The following ATAD3C variants were observed in gnomAD, a reference collection of about 807,000 sequenced individuals.
The protein encoded by ATAD3C is ATPase family AAA domain containing 3C.
ATAD3C carries 38 observed loss-of-function variants against 46.3 expected under a neutral mutation model. That is an observed-to-expected ratio of 0.82 (90% CI 0.63 to 1.08). The LOEUF (loss-of-function observed/expected upper bound fraction) is 1.08, where lower values mean the gene tolerates loss of function less well. ATAD3C is among the 50% of genes least tolerant of loss of function. The pLI, the probability that ATAD3C is intolerant of heterozygous loss-of-function variation, is 0.00. For synonymous variants in ATAD3C, 220 were observed against 236.4 expected, an observed-to-expected ratio of 0.93 and a Z score of 0.63; for missense variants, 563 against 572.7, an observed-to-expected ratio of 0.98 and a Z score of 0.17.
chr1:1,454,246 C>A (rs935460025), intron 3 of ATAD3C, 99 bp from the exon 4 acceptor site: 2 of 1,480,200 alleles, frequency 1.4e-6, no homozygotes, highest in African/African-American at 2.8e-5. Flanking sequence ...TGTGCTTCTC[C>A]CTCAGGCGGA....
chr1:1,454,289 C>T (rs1016430484), intron 3 of ATAD3C, 56 bp from the exon 4 acceptor site: 27 of 1,555,906 alleles, frequency 1.7e-5, no homozygotes, highest in African/African-American at 2.7e-5. Context: ...GCGTCTCCTG[C>T]TCTAGGAGGG....
chr1:1,460,670 G>C (rs1639041042), intron 9 of ATAD3C, 80 bp from the exon 10 acceptor site: 1 of 1,446,462 alleles, frequency 6.9e-7, no homozygotes, highest in South Asian at 1.5e-5. Context: ...GTCTTCCTGA[G>C]GGGGCTGAGG....
Position 1,452,429 on chromosome 1 carries a change from G to A in ATAD3C, c.217G>A (p.Ala73Thr), listed in dbSNP as rs1164903874. 1.2e-6 allele frequency: 2 copies of A among 1,613,760 alleles called. No homozygotes were observed. The highest frequency in any genetic ancestry group is 2.2e-5 in the East Asian group (1 of 44,888). The change falls in exon 3 of 12, where the codon GCC (alanine) becomes ACC (threonine). Residue 73 changes from alanine to threonine, a missense_variant. This residue lies in a region of ATAD3C where 263 missense variants were observed against 243.1 expected (regional missense o/e 1.08). Transcript: ENST00000378785. ...AFVTDRDKVT[A>T]TVAGLTLLAV... is the part of the protein sequence containing the mutation. ...TGTGACAGACCGGGACAAAGTGACAGCCACGGTAAACATACTCATAAAACA... is the reference window on the plus strand; with the variant it reads ...TGTGACAGACCGGGACAAAGTGACAACCACGGTAAACATACTCATAAAACA...
At position 1,449,826 on chromosome 1, in the gene ATAD3C, A is replaced by G. The variant is rs1225636898; in HGVS notation, c.-858A>G. 1 of 152,026 alleles carries G rather than the reference A, an allele frequency of 6.6e-6. No homozygotes were observed. Among genetic ancestry groups the G allele is most frequent in the Non-Finnish European group, 1.5e-5 (1 of 67,974 alleles). 9.4% of individuals were successfully genotyped at this position (152,026 alleles called of 1,614,324 possible). A position where few individuals can be genotyped will look rare whatever the true frequency, so the allele number is the denominator to read the frequency against. On this transcript the variant is annotated 5_prime_UTR_variant, in exon 1 of 12. Transcript: ENST00000378785. The stretch of plus-strand genomic sequence containing the variant: ...TGAGACCTGATGCTGAGTCCTCAGC[A>G]GCTCAGAGAATACGTACTTCTGTCC...
At chr1:1,464,180 C>T (rs1476831516) in intron 11 of ATAD3C, among the ~76,000 whole-genome samples, 1 of 148,648 alleles carries the variant, frequency 6.7e-6, no homozygotes, top group African/African-American at 2.5e-5. Context: ...GTACTTCAGC[C>T]TGAGCAACAG....
chr1:1,468,033 CG>C (rs1250750782), intron 11 of ATAD3C, among the ~76,000 whole-genome samples: 2 of 151,750 alleles, frequency 1.3e-5, no homozygotes, highest in African/African-American at 4.8e-5. Flanking sequence ...CACTATGACC[CG>C]GGGGCACTGC....
chr1:1,458,726 G>GTT lies in ATAD3C; in HGVS notation c.742-433_742-432dup, dbSNP rs1163766483. 2.1e-4 allele frequency among the ~76,000 whole-genome samples: 30 copies of GTT among 141,936 alleles called. 1 individual carries two copies. The highest frequency in any genetic ancestry group is 7.6e-4 in the East Asian group (3 of 3,938). 93.1% of individuals were successfully genotyped at this position (141,936 alleles called of 152,430 possible). ...TCATGAGCCCCCACGCCCAGTCAGG[G>GTT]TTTGTTTTTTTTTTTTGAGACAGTC... On this transcript the variant is annotated intron_variant, in intron 8 of 11. Coordinates refer to ENST00000378785, the MANE Select transcript of ATAD3C (RefSeq NM_001039211.3).
chr1:1,459,567 G>GTC lies in ATAD3C; in HGVS notation c.812+339_812+340dup, dbSNP rs1204494839. ...GTCTCATCGTGTGAGGCTCTGCTGG[G>GTC]TCTCCCTTGGAGGGTGTGTGTGCCC... On this transcript the variant is annotated intron_variant, in intron 9 of 11. Coordinates refer to ENST00000378785, the MANE Select transcript of ATAD3C (RefSeq NM_001039211.3). The surrounding 1 kb of genome is among the most constrained non-coding windows in gnomAD (Gnocchi z 4.9). Among the ~76,000 whole-genome samples the GTC allele has an allele frequency of 6.6e-6, 1 of 151,768 alleles. No individual in the cohort carries two copies. The highest frequency in any genetic ancestry group is 1.9e-4 in the East Asian group (1 of 5,166).
chr1:1,460,496 C>T (rs565842115), intron 9 of ATAD3C, among the ~76,000 whole-genome samples: 20 of 151,932 alleles, frequency 1.3e-4, no homozygotes, highest in Non-Finnish European at 2.4e-4. Flanking sequence ...GGCTGGGCGA[C>T]GGTCAGCGGG....
Position 1,450,362 on chromosome 1 carries a change from T to G in ATAD3C, c.-322T>G, listed in dbSNP as rs1055436975. On this transcript the variant is annotated 5_prime_UTR_variant, in exon 1 of 12. An upstream start codon of the reference 5' UTR is lost. Transcript: ENST00000378785. ...AAAAAGCATGTGTAACGTGAAAAAA[T>G]GGACACTTTAGCCATCGCCTGACTT... 3 of 263,994 alleles carry G rather than the reference T, an allele frequency of 1.1e-5. No individual in the cohort carries two copies. Among genetic ancestry groups the G allele is most frequent in the African/African-American group, 4.6e-5 (2 of 43,338 alleles). 16.4% of individuals were successfully genotyped at this position (263,994 alleles called of 1,614,324 possible).
intron 3 of ATAD3C, among the ~76,000 whole-genome samples, chr1:1,453,794 C>T (rs1638904005): frequency 6.6e-6 from 1 of 151,776 alleles, no homozygotes; most frequent in Admixed American, 6.6e-5. Context: ...CATGTGCCAT[C>T]ATGGCCAGCT....
At chr1:1,464,549 T>C (rs1402947814) in intron 11 of ATAD3C, among the ~76,000 whole-genome samples, 1 of 151,894 alleles carries the variant, frequency 6.6e-6, no homozygotes, top group Admixed American at 6.6e-5. Context: ...GGTGGGTGGA[T>C]TGCCTGAGGT....
rs1638921538 is a variant in ATAD3C at position 1,454,606 on chromosome 1, G to A, written c.378+106G>A. The A allele has an allele frequency of 3.4e-6, 5 of 1,468,916 alleles. 1 individual carries two copies. Among genetic ancestry groups the A allele is most frequent in the Non-Finnish European group, 4.5e-6 (5 of 1,111,246 alleles). 91.0% of individuals were successfully genotyped at this position (1,468,916 alleles called of 1,614,324 possible). ...TACTCCTGTCCCTTCCCTTTCCCCG[G>A]ATAACAGGCACCCGCACGCTGCTTC... On this transcript the variant is annotated intron_variant, in intron 4 of 11. Coordinates refer to ENST00000378785, the MANE Select transcript of ATAD3C (RefSeq NM_001039211.3).
rs1639210367 is a variant in ATAD3C, at chr1:1,469,706, T to G, written c.*1176T>G. On this transcript the variant is annotated 3_prime_UTR_variant, in exon 12 of 12. Coordinates refer to ENST00000378785, the MANE Select transcript of ATAD3C (RefSeq NM_001039211.3). The stretch of plus-strand genomic sequence containing the variant: ...TTTTTTTTTTTTTGGCAATAGAGTC[T>G]TGCTCGCCCAGGGTGGAGTGCAGTG... 1 of 149,416 alleles carries G rather than the reference T, an allele frequency of 6.7e-6. No individual in the cohort carries two copies. The highest frequency in any genetic ancestry group is 6.8e-5 in the Admixed American group (1 of 14,806). 9.3% of individuals were successfully genotyped at this position (149,416 alleles called of 1,614,324 possible).
At chr1:1,465,212 ACCTTCT>A (rs1019044297) in intron 11 of ATAD3C, among the ~76,000 whole-genome samples, 1 of 150,354 alleles carries the variant, frequency 6.7e-6, no homozygotes, top group Admixed American at 6.6e-5. Context: ...CAAGTCTTTC[ACCTTCT>A]CGGTCAAGTG....
At chr1:1,452,485 G>A (rs1481621446) in intron 3 of ATAD3C, 51 bp downstream of exon 3, 3 of 1,612,044 alleles carry the variant, frequency 1.9e-6, no homozygotes, top group Non-Finnish European at 2.5e-6. Context: ...GGCAGCATGT[G>A]GGGGCCTCCT....
rs978149224 is a variant in ATAD3C at position 1,462,883 on chromosome 1, G to A, written c.1089+175G>A. Reference sequence around the variant, plus strand: ...CAGTTGGGCCACTCCACGCAGCAGCGTGCACCTGCTCCAGCAAGAAGGGTG... The same window carrying A: ...CAGTTGGGCCACTCCACGCAGCAGCATGCACCTGCTCCAGCAAGAAGGGTG... On this transcript the variant is annotated intron_variant, in intron 11 of 11. Transcript: ENST00000378785. This position sits in a 1 kb window ranked among gnomAD's most constrained non-coding sequence, Gnocchi z 4.5. Among the ~76,000 whole-genome samples the A allele has an allele frequency of 1.3e-5, 2 of 152,076 alleles. No homozygotes were observed. Among genetic ancestry groups the A allele is most frequent in the Admixed American group, 6.6e-5 (1 of 15,246 alleles).
At chr1:1,455,159 G>A (rs1179323568) in intron 4 of ATAD3C, among the ~76,000 whole-genome samples, 1 of 129,306 alleles carries the variant, frequency 7.7e-6, no homozygotes, top group Non-Finnish European at 1.6e-5. Flanking sequence ...GGAGCTTGCA[G>A]TAAGCAGAGA....
Position 1,461,278 on chromosome 1 carries a change from C to T in ATAD3C, c.980+361C>T, listed in dbSNP as rs572196271. 1.3e-3 allele frequency among the ~76,000 whole-genome samples: 191 copies of T among 152,132 alleles called. 1 individual carries two copies. The highest frequency in any genetic ancestry group is 2.1e-3 in the Non-Finnish European group (142 of 67,962). On this transcript the variant is annotated intron_variant, in intron 10 of 11. Coordinates refer to ENST00000378785, the MANE Select transcript of ATAD3C (RefSeq NM_001039211.3). Reference sequence around the variant, plus strand: ...TCTCAGCTGACTGCAACCCCTGCCTCCTGGATTCACGCGATTCTCCTGCAT... The same window carrying T: ...TCTCAGCTGACTGCAACCCCTGCCTTCTGGATTCACGCGATTCTCCTGCAT...
Sources: allele counts gnomAD v4.1 joint callset (sites outside exome capture counted in the v4.1 genomes callset), GRCh38; gene constraint gnomAD v4.1.1; regional missense constraint gnomAD v4.1.1; non-coding constraint Gnocchi (gnomAD v3.1); transcripts MANE v1.5; gene names NCBI Gene and HGNC (gene_info 2026-07-23, HGNC 2026-07-21).